The following CACNA1C variants were observed in gnomAD, a reference collection of about 807,000 sequenced individuals.
The protein encoded by CACNA1C is calcium voltage-gated channel subunit alpha1 C.
A neutral mutation model predicts 229.0 loss-of-function variants in CACNA1C; 30 were observed. That is an observed-to-expected ratio of 0.13 (90% CI 0.10 to 0.18). The LOEUF (loss-of-function observed/expected upper bound fraction) is 0.18. CACNA1C is among the 10% of genes least tolerant of loss of function. CACNA1C has a pLI of 1.00. For missense variants in CACNA1C, 1,658 were observed against 2,845.0 expected, an observed-to-expected ratio of 0.58 and a Z score of 9.49; for synonymous variants, 1,114 against 1,132.5, an observed-to-expected ratio of 0.98 and a Z score of 0.33.
At chr12:2,179,483 C>G (rs1468514171) in intron 3 of CACNA1C, among the ~76,000 whole-genome samples, 1 of 152,206 alleles carries the variant, frequency 6.6e-6, no homozygotes, top group Admixed American at 6.5e-5. Flanking sequence ...GTCATCTAGC[C>G]CCTTGCCCCA....
intron 4 of CACNA1C, among the ~76,000 whole-genome samples, chr12:2,454,433 G>A (rs529644425): frequency 3.9e-5 from 6 of 152,024 alleles, no homozygotes; most frequent in East Asian, 1.9e-4. Flanking sequence ...CGATCCCTTC[G>A]TCCCACCGCA....
intron 1 of CACNA1C, chr12:2,004,260 G>A (rs762470188): frequency 6.2e-7 from 1 of 1,612,206 alleles, no homozygotes; most frequent in Non-Finnish European, 8.5e-7. Flanking sequence ...GGGCTGCACT[G>A]CTCCGCCGCG....
intron 3 of CACNA1C, among the ~76,000 whole-genome samples, chr12:2,433,511 T>C (rs1253066309): frequency 6.6e-6 from 1 of 152,236 alleles, no homozygotes; most frequent in Non-Finnish European, 1.5e-5. Flanking sequence ...ATTCATTCAT[T>C]CATCCATTCA....
At chr12:2,451,664 T>C (rs562507761) in intron 4 of CACNA1C, among the ~76,000 whole-genome samples, 17 of 152,210 alleles carry the variant, frequency 1.1e-4, no homozygotes, top group African/African-American at 4.1e-4. Flanking sequence ...TCACCTGCGG[T>C]CTGTCTGGAC....
intron 3 of CACNA1C, among the ~76,000 whole-genome samples, chr12:2,306,605 G>T (rs2095045570): frequency 6.6e-6 from 1 of 152,120 alleles, no homozygotes. Context: ...CCCAAACTCT[G>T]CACACTCTTC....
At chr12:2,247,200 T>A (rs929687738) in intron 3 of CACNA1C, among the ~76,000 whole-genome samples, 6 of 152,200 alleles carry the variant, frequency 3.9e-5, no homozygotes, top group Admixed American at 3.9e-4. Context: ...GCAGCGGGGA[T>A]GGCCTGTTAT....
chr12:2,006,760 C>CT (rs1403613639), intron 1 of CACNA1C, among the ~76,000 whole-genome samples: 1 of 152,036 alleles, frequency 6.6e-6, no homozygotes, highest in Non-Finnish European at 1.5e-5. Flanking sequence ...TTTCAAACAA[C>CT]TTTTTTTTGA....
intron 4 of CACNA1C, among the ~76,000 whole-genome samples, chr12:2,450,502 C>A (rs951317179): frequency 8.1e-6 from 1 of 123,550 alleles, no homozygotes; most frequent in Non-Finnish European, 1.6e-5. Flanking sequence ...TACAGTGAGC[C>A]GAGATCATGC....
chr12:2,594,007 A>G (rs1354941164), intron 19 of CACNA1C, among the ~76,000 whole-genome samples: 1 of 152,218 alleles, frequency 6.6e-6, no homozygotes, highest in Admixed American at 6.5e-5. Flanking sequence ...TTTTAGACAG[A>G]CAATTTTTGT....
intron 3 of CACNA1C, among the ~76,000 whole-genome samples, chr12:2,222,928 G>A (rs2061852425): frequency 6.6e-6 from 1 of 152,184 alleles, no homozygotes; most frequent in African/African-American, 2.4e-5. Flanking sequence ...GTGCCCATTG[G>A]AATAAGGACA....
intron 3 of CACNA1C, among the ~76,000 whole-genome samples, chr12:2,317,082 A>G (rs547365805): frequency 6.6e-6 from 1 of 152,380 alleles, no homozygotes; most frequent in Non-Finnish European, 1.5e-5. Context: ...AAATTGTATC[A>G]TTTAGAAAAA....
At chr12:2,431,919 T>C (rs2099089509) in intron 3 of CACNA1C, among the ~76,000 whole-genome samples, 1 of 152,088 alleles carries the variant, frequency 6.6e-6, no homozygotes, top group Non-Finnish European at 1.5e-5. Context: ...ACAAAATTCA[T>C]ATTCATCTGG....
At position 2,693,895 on chromosome 12, in the gene CACNA1C, A is replaced by T. The variant is rs1354060279; in HGVS notation, c.*2696A>T. On this transcript the variant is annotated 3_prime_UTR_variant, in exon 47 of 47. Transcript: ENST00000399655. ...AGTAAGCTAGAAATTACAATAAGGGACAGTCCATTCCTCTATGACAGCTTG... is the reference window on the plus strand; with the variant it reads ...AGTAAGCTAGAAATTACAATAAGGGTCAGTCCATTCCTCTATGACAGCTTG... 3 of 152,194 alleles carry T rather than the reference A, an allele frequency of 2.0e-5. No homozygotes were observed. Among genetic ancestry groups the T allele is most frequent in the Non-Finnish European group, 4.4e-5 (3 of 68,042 alleles). 9.4% of individuals were successfully genotyped at this position (152,194 alleles called of 1,614,324 possible).
intron 3 of CACNA1C, among the ~76,000 whole-genome samples, chr12:2,330,451 T>C (rs1455746896): frequency 6.6e-6 from 1 of 152,224 alleles, no homozygotes; most frequent in Non-Finnish European, 1.5e-5. Flanking sequence ...ATTTTAAGCA[T>C]TTAAGTGTTT....
At chr12:2,412,524 G>C (rs189493689) in intron 3 of CACNA1C, among the ~76,000 whole-genome samples, 3 of 152,252 alleles carry the variant, frequency 2.0e-5, no homozygotes, top group African/African-American at 7.2e-5. Context: ...GGCTCACACT[G>C]TATGCTTTGC....
intron 3 of CACNA1C, among the ~76,000 whole-genome samples, chr12:2,291,019 G>A (rs1214384241): frequency 6.6e-6 from 1 of 152,198 alleles, no homozygotes; most frequent in Non-Finnish European, 1.5e-5. Flanking sequence ...CAAATCCCCA[G>A]TTCTACCAAT....
intron 1 of CACNA1C, among the ~76,000 whole-genome samples, chr12:2,114,745 C>T (rs1342598172): frequency 6.6e-6 from 1 of 152,166 alleles, no homozygotes. Context: ...ATGCAGTGAC[C>T]TCTCATATTC....
At chr12:2,487,094 A>G (rs1332307964) in intron 6 of CACNA1C, among the ~76,000 whole-genome samples, 2 of 152,220 alleles carry the variant, frequency 1.3e-5, no homozygotes, top group African/African-American at 2.4e-5. Flanking sequence ...ACAGAAATTG[A>G]CAAGGCTTTT....
At position 2,493,390 on chromosome 12, in the gene CACNA1C, C is replaced by T. The variant is rs747800763; in HGVS notation, c.1113+4C>T. ...CTGGACGGACGTGCTGTACTGGGTA[C>T]GTAGCATGAGTGGGCAGTCAGAGGG... On this transcript the variant is annotated splice_donor_region_variant and intron_variant, in intron 7 of 46. Coordinates refer to ENST00000399655, the MANE Select transcript of CACNA1C (RefSeq NM_000719.7). This position sits in a 1 kb window ranked among gnomAD's most constrained non-coding sequence, Gnocchi z 4.6. 16 of 1,606,472 alleles carry T rather than the reference C, an allele frequency of 1.0e-5. No individual in the cohort carries two copies. The highest frequency in any genetic ancestry group is 6.7e-5 in the East Asian group (3 of 44,702).
Sources: allele counts gnomAD v4.1 joint callset (sites outside exome capture counted in the v4.1 genomes callset), GRCh38; gene constraint gnomAD v4.1.1; non-coding constraint Gnocchi (gnomAD v3.1); transcripts MANE v1.5; gene names NCBI Gene and HGNC (gene_info 2026-07-23, HGNC 2026-07-21).